MACC1: variants seen among roughly 807,000 people sequenced by gnomAD.
The protein encoded by MACC1 is metastasis-associated in colon cancer protein 1.
A neutral mutation model predicts 70.7 loss-of-function variants in MACC1; 79 were observed. The ratio of observed to expected loss-of-function variants is 1.12; its 90% confidence interval spans 0.93 to 1.35. The LOEUF is 1.35. MACC1 is among the 40% of genes most tolerant of loss of function. MACC1 has a pLI of 0.00. For missense variants in MACC1, 1,106 were observed against 978.1 expected (o/e 1.13, Z -1.74); for synonymous variants, 361 against 347.2 (o/e 1.04, Z -0.44).
At chr7:20,180,079 T>C (rs1424550418) in intron 1 of MACC1, among the ~76,000 whole-genome samples, 1 of 152,180 alleles carries the variant, frequency 6.6e-6, no homozygotes, top group African/African-American at 2.4e-5. Flanking sequence ...AATTAAAAAG[T>C]AAAATTCTTG....
intron 1 of MACC1, among the ~76,000 whole-genome samples, chr7:20,183,677 T>C (rs1048000759): frequency 1.3e-5 from 2 of 151,952 alleles, no homozygotes; most frequent in Non-Finnish European, 1.5e-5. Flanking sequence ...CCAACAGTTA[T>C]TCAAGTCAGG....
rs1782114704 is a variant in MACC1, at chr7:20,159,794, G to A, written c.567C>T (p.Ala189=). The change falls in exon 5 of 7, where the codon GCC becomes GCT. Residue 189 remains alanine (A), a synonymous_variant. Coordinates refer to ENST00000400331, the MANE Select transcript of MACC1 (RefSeq NM_182762.4). ...TTGTATTCAAATCAAGGCAGGAGCG[G>A]GCCAGCTGGCGTTGACTTAACCAAG... The part of the protein sequence containing the change: ...KMAWLSQRQL[A]RSCLDLNTIS... 3.1e-6 allele frequency: 5 copies of A among 1,614,056 alleles called. No individual in the cohort carries two copies. Among genetic ancestry groups the A allele is most frequent in the Non-Finnish European group, 3.4e-6 (4 of 1,180,022 alleles).
intron 1 of MACC1, among the ~76,000 whole-genome samples, chr7:20,199,413 G>A (rs1200908622): frequency 6.6e-6 from 1 of 152,242 alleles, no homozygotes. Context: ...GGGACCTGGT[G>A]TGTGTGATAG....
At chr7:20,142,042 T>C (rs1263791047) in intron 6 of MACC1, 1 of 152,174 alleles carries the variant, frequency 6.6e-6, no homozygotes, top group Non-Finnish European at 1.5e-5. Flanking sequence ...ATTTGAAATA[T>C]AAACTTTATT....
chr7:20,191,495 G>A (rs1475948282), intron 1 of MACC1, among the ~76,000 whole-genome samples: 1 of 152,176 alleles, frequency 6.6e-6, no homozygotes, highest in East Asian at 1.9e-4. Context: ...CTGCTCTGTA[G>A]GAGTTGGTGC....
chr7:20,186,080 G>A (rs947242439), intron 1 of MACC1, among the ~76,000 whole-genome samples: 4 of 152,278 alleles, frequency 2.6e-5, no homozygotes, highest in Admixed American at 1.3e-4. Flanking sequence ...CAGAATTATC[G>A]CCGAATGGAC....
chr7:20,196,173 T>A (rs186297406), intron 1 of MACC1, among the ~76,000 whole-genome samples: 7 of 151,820 alleles, frequency 4.6e-5, no homozygotes, highest in African/African-American at 7.3e-5. Context: ...AATTTTCAGG[T>A]TTTTTTTAAA....
In MACC1 at chr7:20,164,996, G is replaced by A. The variant is rs1054099828; in HGVS notation, c.-152-597C>T. On this transcript the variant is annotated intron_variant, in intron 2 of 6. Coordinates refer to ENST00000400331, the MANE Select transcript of MACC1 (RefSeq NM_182762.4). ...AAAAATAGTTATAACCAAATGGAAT[G>A]TAGGTAGAAGTCCTCAACCACATAA... Among the ~76,000 whole-genome samples the A allele has an allele frequency of 3.3e-5, 5 of 151,996 alleles. No homozygotes were observed. The East Asian group carries it at 7.7e-4, about 23-fold the overall frequency.
intron 6 of MACC1, among the ~76,000 whole-genome samples, chr7:20,150,228 TTG>T (rs1007667003): frequency 6.6e-6 from 1 of 152,126 alleles, no homozygotes; most frequent in African/African-American, 2.4e-5. Context: ...AATAATCATA[TTG>T]TGTGTTTTTT....
rs1261722928 is a variant in MACC1 at position 20,164,344 on chromosome 7, AT to A, written c.-98del. 3 of 151,622 alleles carry A rather than the reference AT, an allele frequency of 2.0e-5. No individual in the cohort carries two copies. The highest frequency in any genetic ancestry group is 2.9e-5 in the Non-Finnish European group (2 of 68,000). 9.4% of individuals were successfully genotyped at this position (151,622 alleles called of 1,614,324 possible). A position where few individuals can be genotyped will look rare whatever the true frequency, so the allele number is the denominator to read the frequency against. ...GTTATACTCTTCTTTCTAATTCTTG[AT>A]TTTTTTCTTTTCAAGTAGTTTTATT... is the stretch of plus-strand genomic sequence containing the variant. On this transcript the variant is annotated 5_prime_UTR_variant, in exon 3 of 7. Coordinates refer to ENST00000400331, the MANE Select transcript of MACC1 (RefSeq NM_182762.4).
chr7:20,149,548 T>C (rs761688107), intron 6 of MACC1, among the ~76,000 whole-genome samples: 33 of 152,210 alleles, frequency 2.2e-4, no homozygotes, highest in Non-Finnish European at 4.7e-4. Flanking sequence ...GCTTGAGGGC[T>C]GATAGATGGT....
intron 1 of MACC1, among the ~76,000 whole-genome samples, chr7:20,203,739 T>C (rs1782867383): frequency 6.6e-6 from 1 of 152,208 alleles, no homozygotes; most frequent in South Asian, 2.1e-4. Context: ...TTTGTGAAAA[T>C]ATTGCCAATT....
chr7:20,216,401 C>T (rs1783070950), intron 1 of MACC1, among the ~76,000 whole-genome samples: 2 of 151,966 alleles, frequency 1.3e-5, no homozygotes, highest in South Asian at 4.2e-4. Flanking sequence ...TTTACACTTA[C>T]AAATTTTAAG....
intron 1 of MACC1, among the ~76,000 whole-genome samples, chr7:20,180,062 A>T (rs10235573): frequency 6.6e-6 from 1 of 152,204 alleles, no homozygotes; most frequent in Non-Finnish European, 1.5e-5. Context: ...ATTCTGCTAA[A>T]TTTTTTAATT....
In MACC1 at chr7:20,159,665, G is replaced by A. The variant is rs777633133; in HGVS notation, c.696C>T (p.Ile232=). The A allele has an allele frequency of 5.6e-6, 9 of 1,614,042 alleles. No individual in the cohort carries two copies. Among genetic ancestry groups the A allele is most frequent in the Non-Finnish European group, 7.6e-6 (9 of 1,180,032 alleles). The change falls in exon 5 of 7, where the codon ATC becomes ATT. Residue 232 remains isoleucine, a synonymous_variant. Coordinates refer to ENST00000400331, the MANE Select transcript of MACC1 (RefSeq NM_182762.4). ...GGSVQLPESD[I]TVHVPQGHVA... ...CATGACCTTGGGGCACATGAACAGT[G>A]ATGTCTGATTCAGGTAATTGTACTG...
At chr7:20,196,211 C>T (rs1442184910) in intron 1 of MACC1, among the ~76,000 whole-genome samples, 2 of 151,884 alleles carry the variant, frequency 1.3e-5, no homozygotes, top group African/African-American at 4.8e-5. Context: ...GAGATGGATT[C>T]TCGCTGTCTC....
intron 1 of MACC1, among the ~76,000 whole-genome samples, chr7:20,175,606 A>G (rs776776149): frequency 1.3e-5 from 2 of 152,146 alleles, no homozygotes; most frequent in Non-Finnish European, 2.9e-5. Flanking sequence ...ATATATTCAT[A>G]TATTAGGGGG....
chr7:20,205,521 C>T (rs10244758), intron 1 of MACC1, among the ~76,000 whole-genome samples: 13,224 of 151,640 alleles, frequency 0.087, 660 homozygotes, highest in Non-Finnish European at 0.11. Flanking sequence ...TTTTTGTAGT[C>T]GCCTGTGAAA....
chr7:20,145,613 T>G (rs913478796), intron 6 of MACC1, among the ~76,000 whole-genome samples: 1 of 152,142 alleles, frequency 6.6e-6, no homozygotes, highest in African/African-American at 2.4e-5. Context: ...CTTTGCCATA[T>G]GGAGAACTTA....
Sources: gnomAD v4.1 joint callset for allele counts (sites outside exome capture counted in the v4.1 genomes callset) on GRCh38, gnomAD v4.1.1 for gene constraint, MANE v1.5 for transcripts, NCBI Gene and HGNC (gene_info 2026-07-23, HGNC 2026-07-21) for gene names.